Variants in TEX2 observed in about 807,000 individuals in gnomAD.
The protein encoded by TEX2 is testis expressed 2, also known as testis-expressed protein 2.
In TEX2, 53 loss-of-function variants were observed where a neutral mutation model predicts 106.9. The observed-to-expected ratio is 0.50, with a 90% CI of 0.40 to 0.62. TEX2 has a LOEUF of 0.62. TEX2 is among the 20% of genes least tolerant of loss of function. The pLI, the probability that TEX2 is intolerant of heterozygous loss-of-function variation, is 0.00. For synonymous variants in TEX2, 523 were observed against 534.8 expected, an observed-to-expected ratio of 0.98 and a Z score of 0.30; for missense variants, 1,207 against 1,379.0, an observed-to-expected ratio of 0.88 and a Z score of 1.98.
chr17:64,163,655 C>T (rs2030988186), intron 7 of TEX2, among the ~76,000 whole-genome samples: 1 of 152,190 alleles, frequency 6.6e-6, no homozygotes, highest in African/African-American at 2.4e-5. Context: ...GGAGCAAAGA[C>T]CAACCGGTTA....
At chr17:64,242,302 G>A (rs1555635849) in intron 1 of TEX2, 1 of 152,076 alleles carries the variant, frequency 6.6e-6, no homozygotes, top group Non-Finnish European at 1.5e-5. Flanking sequence ...TCCTTTCCAG[G>A]AACAAAAGCC....
intron 7 of TEX2, among the ~76,000 whole-genome samples, chr17:64,161,666 T>C (rs901661593): frequency 6.6e-6 from 1 of 152,120 alleles, no homozygotes; most frequent in African/African-American, 2.4e-5. Flanking sequence ...GGAATTTTAC[T>C]GCAATGGCCG....
At position 64,193,579 on chromosome 17, in the gene TEX2, C is replaced by A; in HGVS notation, c.2156G>T (p.Gly719Val). 6.9e-7 allele frequency: 1 copy of A among 1,449,472 alleles called. No homozygotes were observed. 89.8% of individuals were successfully genotyped at this position (1,449,472 alleles called of 1,614,324 possible). ...ATTACCTGGTTTACCTCCAGAGACA[C>A]CCGATGACTTCTTGATTTCCGACTT... ...KLKSEIKKSS[G>V]VSGGKPGLLP... The change falls in exon 4 of 12, where the codon GGT becomes GTT. Residue 719 changes from glycine to valine, a missense_variant. Gly to Val is a moderately radical substitution (Grantham distance 109). Transcript: ENST00000584379.
rs1178797091 is a variant in TEX2 at position 64,171,284 on chromosome 17, AT to A, written c.2572-86del. ...GCAAGTCAACATGCTTCCGGAGAGG[AT>A]GGTGGCCAAGGTTTTGGGGACATAT... On this transcript the variant is annotated intron_variant, in intron 6 of 11. Coordinates refer to ENST00000584379, the MANE Select transcript of TEX2 (RefSeq NM_001288732.2). The A allele has an allele frequency of 5.2e-6, 6 of 1,154,394 alleles. No homozygotes were observed. The East Asian group carries it at 1.5e-4, about 28-fold the overall frequency. The allele number at this position is 1,154,394 out of a possible 1,614,324, so 71.5% of individuals were successfully genotyped here.
Position 64,150,822 on chromosome 17 carries a change from G to C in TEX2, c.3261+19C>G. The C allele has an allele frequency of 6.2e-7, 1 of 1,606,492 alleles. No homozygotes were observed. Among genetic ancestry groups the C allele is most frequent in the African/African-American group, 1.3e-5 (1 of 74,686 alleles). ...CTTCTATACTTGGTGTGAAATACTA[G>C]ATAACACTAGAGGTTTACCTGAAAC... On this transcript the variant is annotated intron_variant, in intron 11 of 11. Coordinates refer to ENST00000584379, the MANE Select transcript of TEX2 (RefSeq NM_001288732.2).
chr17:64,252,630 T>C (rs1212101684), intron 1 of TEX2, among the ~76,000 whole-genome samples: 3 of 152,196 alleles, frequency 2.0e-5, no homozygotes, highest in Non-Finnish European at 4.4e-5. Context: ...AACCAAGTTT[T>C]AAAGAGAAGT....
At chr17:64,192,483 A>C (rs143637360) in intron 4 of TEX2, among the ~76,000 whole-genome samples, 66 of 152,374 alleles carry the variant, frequency 4.3e-4, no homozygotes, top group African/African-American at 1.5e-3. Flanking sequence ...TCTCACAAGG[A>C]GCATGGCCCT....
At chr17:64,167,587 G>A (rs892527981) in intron 7 of TEX2, among the ~76,000 whole-genome samples, 2 of 152,172 alleles carry the variant, frequency 1.3e-5, no homozygotes, top group African/African-American at 4.8e-5. Context: ...GAGAGGCTGA[G>A]GTGGGTGGAT....
intron 1 of TEX2, among the ~76,000 whole-genome samples, chr17:64,258,862 C>T (rs986829886): frequency 4.0e-5 from 6 of 151,688 alleles, no homozygotes; most frequent in Admixed American, 6.6e-5. Context: ...CAGGTTCAAG[C>T]GATTCTCCTG....
intron 7 of TEX2, among the ~76,000 whole-genome samples, chr17:64,168,494 T>C (rs1387085934): frequency 6.6e-6 from 1 of 152,220 alleles, no homozygotes; most frequent in Admixed American, 6.5e-5. Flanking sequence ...CCATAGCTCC[T>C]GCTCTAGAAG....
Position 64,149,049 on chromosome 17 carries a change from T to C in TEX2, c.3304A>G (p.Ile1102Val), listed in dbSNP as rs781612180. 8 of 1,614,072 alleles carry C rather than the reference T, an allele frequency of 5.0e-6. No individual in the cohort carries two copies. In the East Asian group the frequency reaches 8.9e-5, roughly 18 times the overall value. Residue 1102 changes from isoleucine to valine, a missense_variant, in exon 12 of 12, where the codon ATA becomes GTA. Around this residue, in one of 3 missense-constraint regions of TEX2, gnomAD observed 77 missense variants for 73.2 expected, o/e 1.05. Transcript: ENST00000584379. ...CGAGGGTCCATGGCTGAGTGCATTA[T>C]AGTGATATAAACATCATCCATGTTT... ...MPNMDDVYIT[I>V]MHSAMDPRST...
rs2033208384 is a variant in TEX2 at position 64,217,062 on chromosome 17, A to C, written c.-25-2820T>G. On this transcript the variant is annotated intron_variant, in intron 1 of 11. Transcript: ENST00000584379. This position sits in a 1 kb window ranked among gnomAD's most constrained non-coding sequence, Gnocchi z 4.3. ...GCCGGAGCATCACTACTGCTCTTTA[A>C]ATACAAGAAAATGTCCAGGCTTCTG... Among the ~76,000 whole-genome samples, 1 of 152,158 alleles carries C rather than the reference A, an allele frequency of 6.6e-6. No individual in the cohort carries two copies. Among genetic ancestry groups the C allele is most frequent in the South Asian group, 2.1e-4 (1 of 4,828 alleles).
At chr17:64,249,094 CCTA>C (rs1415146242) in intron 1 of TEX2, among the ~76,000 whole-genome samples, 7 of 151,732 alleles carry the variant, frequency 4.6e-5, no homozygotes, top group Admixed American at 3.9e-4. Flanking sequence ...TGCCCCCATA[CCTA>C]CTGTTTACTG....
intron 1 of TEX2, among the ~76,000 whole-genome samples, chr17:64,261,342 T>C (rs782167628): frequency 1.3e-5 from 2 of 152,232 alleles, no homozygotes; most frequent in African/African-American, 4.8e-5. Context: ...GTCCAAAACA[T>C]GCTACGTATT....
intron 1 of TEX2, among the ~76,000 whole-genome samples, chr17:64,253,333 CTT>C (rs71158311): frequency 6.8e-4 from 27 of 39,442 alleles, no homozygotes; most frequent in Admixed American, 7.0e-4. Flanking sequence ...TTCTTTCTTT[CTT>C]TTTTTTTTTT....
Position 64,213,633 on chromosome 17 carries a change from C to T in TEX2, c.585G>A (p.Leu195=). ...AKPFMSLVKS[L]STEVEPKESP... The stretch of plus-strand genomic sequence containing the variant: ...ATTCTTTTGGCTCCACCTCGGTCGA[C>T]AGGGACTTCACAAGGCTCATGAAGG... Residue 195 remains leucine, a synonymous_variant, in exon 2 of 12, where the codon CTG becomes CTA. Transcript: ENST00000584379. This position sits in a 1 kb window ranked among gnomAD's most constrained non-coding sequence, Gnocchi z 4.4. The T allele has an allele frequency of 6.2e-7, 1 of 1,614,048 alleles. No individual in the cohort carries two copies. Among genetic ancestry groups the T allele is most frequent in the Non-Finnish European group, 8.5e-7 (1 of 1,179,994 alleles).
intron 1 of TEX2, among the ~76,000 whole-genome samples, chr17:64,237,318 G>A (rs1216675243): frequency 2.6e-5 from 4 of 152,106 alleles, no homozygotes; most frequent in Admixed American, 6.5e-5. Context: ...ACAGGAGTGC[G>A]GCAGGGGCTG....
intron 5 of TEX2, among the ~76,000 whole-genome samples, chr17:64,184,251 A>G (rs1467474815): frequency 6.6e-6 from 1 of 151,514 alleles, no homozygotes; most frequent in Admixed American, 6.6e-5. Context: ...ACATGCCACT[A>G]TGTCTGGCTA....
In TEX2 at chr17:64,150,849, C is replaced by G; in HGVS notation, c.3253G>C (p.Glu1085Gln). ...TAACACTAGAGGTTTACCTGAAACT[C>G]TTGCTCCAGTTTCTTCTCTATCCAG... is the stretch of plus-strand genomic sequence containing the variant. Reference protein sequence around the residue: ...TDWIEKKLEQEFQKVFVMPNM... With the variant: ...TDWIEKKLEQQFQKVFVMPNM... The change falls in exon 11 of 12, where the codon GAG becomes CAG. Residue 1085 changes from glutamate (E) to glutamine (Q), a missense_variant. By Grantham distance (29) the Glu-to-Gln change is conservative (BLOSUM62 2). This residue lies in a region of TEX2 where 77 missense variants were observed against 73.2 expected (regional missense o/e 1.05). Coordinates refer to ENST00000584379, the MANE Select transcript of TEX2 (RefSeq NM_001288732.2). 1 of 1,613,214 alleles carries G rather than the reference C, an allele frequency of 6.2e-7. No homozygotes were observed.
Sources: gnomAD v4.1 joint callset for allele counts (sites outside exome capture counted in the v4.1 genomes callset) on GRCh38, gnomAD v4.1.1 for gene constraint, gnomAD v4.1.1 regional missense constraint, Gnocchi (gnomAD v3.1) non-coding constraint, MANE v1.5 for transcripts, NCBI Gene and HGNC (gene_info 2026-07-23, HGNC 2026-07-21) for gene names.